The following B3GALT6 variants were observed in gnomAD, a reference collection of about 807,000 sequenced individuals.
B3GALT6 encodes the protein beta-1,3-galactosyltransferase 6.
A neutral mutation model predicts 23.3 loss-of-function variants in B3GALT6; 27 were observed. The ratio of observed to expected loss-of-function variants is 1.16; its 90% CI spans 0.85 to 1.60. B3GALT6 has a LOEUF of 1.60. B3GALT6 is among the 40% of genes most tolerant of loss of function. The pLI, the probability that B3GALT6 is intolerant of heterozygous loss-of-function variation, is 0.00. For missense variants in B3GALT6, 554 were observed against 471.1 expected, an observed-to-expected ratio of 1.18 and a Z score of -1.63; for synonymous variants, 313 against 232.3, an observed-to-expected ratio of 1.35 and a Z score of -3.16.
In B3GALT6 at chr1:1,233,398, C is replaced by T. The variant is rs1638582455; in HGVS notation, c.*130C>T. On this transcript the variant is annotated 3_prime_UTR_variant, in exon 1 of 1. Transcript: ENST00000379198. ...AGCCACGCTTGTGGTCGCTGCGTCC[C>T]GGTCTGCGTTTGGGAGACCCCTGGG... 8.1e-7 allele frequency: 1 copy of T among 1,237,190 alleles called. No individual in the cohort carries two copies. The highest frequency in any genetic ancestry group is 1.1e-6 in the Non-Finnish European group (1 of 948,924). The allele number at this position is 1,237,190 out of a possible 1,614,324, so 76.6% of individuals were successfully genotyped here.
chr1:1,232,890 A>C lies in B3GALT6; in HGVS notation c.612A>C (p.Gln204His). 1 of 1,554,844 alleles carries C rather than the reference A, an allele frequency of 6.4e-7. No homozygotes were observed. The highest frequency in any genetic ancestry group is 1.4e-5 in the African/African-American group (1 of 71,168). Reference protein sequence around the residue: ...PGGRWREAAWQLCDYYLPYAL... With the variant: ...PGGRWREAAWHLCDYYLPYAL... ...GGCGCTGGCGCGAGGCCGCCTGGCA[A>C]CTCTGCGACTACTACCTGCCCTACG... Residue 204 changes from glutamine (Q) to histidine (H), a missense_variant, in exon 1 of 1, where the codon CAA (glutamine) becomes CAC (histidine). Physicochemically the swap from Gln to His is conservative, Grantham distance 24. Transcript: ENST00000379198.
In B3GALT6 at chr1:1,232,237, A is replaced by C. The variant is rs929454626; in HGVS notation, c.-42A>C. 2 of 979,624 alleles carry C rather than the reference A, an allele frequency of 2.0e-6. No homozygotes were observed. The highest frequency in any genetic ancestry group is 2.4e-6 in the Non-Finnish European group (2 of 827,672). 60.7% of individuals were successfully genotyped at this position (979,624 alleles called of 1,614,324 possible). A position where few individuals can be genotyped will look rare whatever the true frequency, so the allele number is the denominator to read the frequency against. On this transcript the variant is annotated 5_prime_UTR_variant, in exon 1 of 1. Transcript: ENST00000379198. The stretch of plus-strand genomic sequence containing the variant: ...CGCCCCGAGCCGGCGGCGCCTGCGC[A>C]CTCGCGAGTCCGGCCTGGGCCGCCG...
rs1216124589 is a variant in B3GALT6, at chr1:1,233,107, G to T, written c.829G>T (p.Val277Leu). ...CCGCGGCTGCAGCAACCAGTACCTG[G>T]TGACGCACAAGCAGAGCCTGGAGGA... is the stretch of plus-strand genomic sequence containing the variant. Reference protein sequence around the residue: ...RSRGCSNQYLVTHKQSLEDML... With the variant: ...RSRGCSNQYLLTHKQSLEDML... The change falls in exon 1 of 1, where the codon GTG becomes TTG. Residue 277 changes from valine to leucine, a missense_variant. By Grantham distance (32) the Val-to-Leu change is conservative. Coordinates refer to ENST00000379198, the MANE Select transcript of B3GALT6 (RefSeq NM_080605.4). 2.6e-6 allele frequency: 4 copies of T among 1,563,762 alleles called. No homozygotes were observed. The Admixed American group carries it at 5.5e-5, about 22-fold the overall frequency.
chr1:1,233,842 A>G lies in B3GALT6; in HGVS notation c.*574A>G, dbSNP rs1178438212. The G allele has an allele frequency of 3.6e-5, 6 of 166,786 alleles. No individual in the cohort carries two copies. The Admixed American group carries it at 3.9e-4, about 11-fold the overall frequency. The allele number at this position is 166,786 out of a possible 1,614,324, so 10.3% of individuals were successfully genotyped here. ...TGCTGCCCGTGTTTAAACGCAGGAG[A>G]ACTTTAAAACTGGCCATCTATCTTT... On this transcript the variant is annotated 3_prime_UTR_variant, in exon 1 of 1. Transcript: ENST00000379198.
chr1:1,233,656 T>C lies in B3GALT6; in HGVS notation c.*388T>C. 1 of 214,462 alleles carries C rather than the reference T, an allele frequency of 4.7e-6. No individual in the cohort carries two copies. The highest frequency in any genetic ancestry group is 1.8e-4 in the South Asian group (1 of 5,446). The allele number at this position is 214,462 out of a possible 1,614,324, so 13.3% of individuals were successfully genotyped here. On this transcript the variant is annotated 3_prime_UTR_variant, in exon 1 of 1. Transcript: ENST00000379198. ...GGGATTTTGGTCTCTGTCCAGTGAC[T>C]TCGTGGTAAATGTAACTCAGTGTTT...
rs1638570941 is a variant in B3GALT6 at position 1,233,148 on chromosome 1, C to T, written c.870C>T (p.His290=). Residue 290 remains histidine, a synonymous_variant, in exon 1 of 1, where the codon CAC becomes CAT. Coordinates refer to ENST00000379198, the MANE Select transcript of B3GALT6 (RefSeq NM_080605.4). ...GCCTGGAGGACATGCTGGAGAAGCA[C>T]GCGACGCTGGCGCGCGAGGGCCGCC... ...KQSLEDMLEK[H]ATLAREGRLC... is the part of the protein sequence containing the mutation. 3.2e-6 allele frequency: 5 copies of T among 1,553,706 alleles called. No homozygotes were observed. The highest frequency in any genetic ancestry group is 4.3e-6 in the Non-Finnish European group (5 of 1,154,216).
chr1:1,232,990 TG>T lies in B3GALT6; in HGVS notation c.714del (p.Trp238CysfsTer40), dbSNP rs1028693239. ...LRLSRDYLRA[W>X]HSEDVSLGAW... ...CCTCAGCCGCGACTACCTGCGCGCC[TG>T]GCACAGCGAGGACGTGTCTCTGGGC... is the stretch of plus-strand genomic sequence containing the variant. On this transcript the variant is annotated frameshift_variant, in exon 1 of 1. Coordinates refer to ENST00000379198, the MANE Select transcript of B3GALT6 (RefSeq NM_080605.4). LOFTEE classifies it high-confidence loss of function. 4 of 1,563,878 alleles carry T rather than the reference TG, an allele frequency of 2.6e-6. No homozygotes were observed. In the African/African-American group the frequency reaches 4.1e-5, roughly 16 times the overall value.
At position 1,232,472 on chromosome 1, in the gene B3GALT6, G is replaced by A; in HGVS notation, c.194G>A (p.Ser65Asn). ...GCCTTCCTGGCAGTGCTGGTGGCCA[G>A]CGCGCCCCGCGCCGCCGAGCGCCGC... The part of the protein sequence containing the change: ...AAAFLAVLVA[S>N]APRAAERRSV... The change falls in exon 1 of 1, where the codon AGC becomes AAC. Residue 65 changes from serine to asparagine, a missense_variant. Ser to Asn is a conservative substitution (Grantham distance 46). Transcript: ENST00000379198. 1 of 1,013,180 alleles carries A rather than the reference G, an allele frequency of 9.9e-7. No individual in the cohort carries two copies. Among genetic ancestry groups the A allele is most frequent in the Non-Finnish European group, 1.2e-6 (1 of 850,378 alleles). 62.8% of individuals were successfully genotyped at this position (1,013,180 alleles called of 1,614,324 possible). A position where few individuals can be genotyped will look rare whatever the true frequency, so the allele number is the denominator to read the frequency against.
In B3GALT6 at chr1:1,233,236, C is replaced by A; in HGVS notation, c.958C>A (p.Gln320Lys). ...GTACGACTGGTCCGCGCCGCCCTCGCAGTGCTGCCAGAGAAGGGAGGGCAT... is the reference window on the plus strand; with the variant it reads ...GTACGACTGGTCCGCGCCGCCCTCGAAGTGCTGCCAGAGAAGGGAGGGCAT... ...YVYDWSAPPS[Q>K]CCQRREGIP is the part of the protein sequence containing the mutation. The change falls in exon 1 of 1, where the codon CAG (glutamine) becomes AAG (lysine). Residue 320 changes from glutamine (Q) to lysine (K), a missense_variant. Gln to Lys is a moderately conservative substitution (Grantham distance 53, BLOSUM62 1). Transcript: ENST00000379198. 6.7e-7 allele frequency: 1 copy of A among 1,488,936 alleles called. No individual in the cohort carries two copies. 92.2% of individuals were successfully genotyped at this position (1,488,936 alleles called of 1,614,324 possible). A position where few individuals can be genotyped will look rare whatever the true frequency, so the allele number is the denominator to read the frequency against.
chr1:1,232,886 G>T lies in B3GALT6; in HGVS notation c.608G>T (p.Trp203Leu), dbSNP rs1265129383. ...KPGGRWREAAWQLCDYYLPYA... is the reference protein window; with the variant it reads ...KPGGRWREAALQLCDYYLPYA... ...GGGGGGCGCTGGCGCGAGGCCGCCT[G>T]GCAACTCTGCGACTACTACCTGCCC... The change falls in exon 1 of 1, where the codon TGG (tryptophan) becomes TTG (leucine). Residue 203 changes from tryptophan (W) to leucine (L), a missense_variant. Physicochemically the swap from Trp to Leu is moderately conservative, Grantham distance 61. Transcript: ENST00000379198. 1 of 1,554,886 alleles carries T rather than the reference G, an allele frequency of 6.4e-7. No homozygotes were observed. The highest frequency in any genetic ancestry group is 8.6e-7 in the Non-Finnish European group (1 of 1,163,126).
At position 1,233,507 on chromosome 1, in the gene B3GALT6, T is replaced by C; in HGVS notation, c.*239T>C. On this transcript the variant is annotated 3_prime_UTR_variant, in exon 1 of 1. Transcript: ENST00000379198. ...GCCTGAGCCGGGCCCGGCCGCACGC[T>C]GACCCCCGTGCTGTCCCCGACCGGC... is the stretch of plus-strand genomic sequence containing the variant. 2.2e-6 allele frequency: 1 copy of C among 457,154 alleles called. No individual in the cohort carries two copies. The highest frequency in any genetic ancestry group is 4.5e-5 in the Admixed American group (1 of 22,060). 28.3% of individuals were successfully genotyped at this position (457,154 alleles called of 1,614,324 possible).
Position 1,232,338 on chromosome 1 carries a change from G to T in B3GALT6, c.60G>T (p.Ala20=). The part of the protein sequence containing the change: ...RRAALGLGTL[A]LCGAALLYLA... ...CGGCGCTAGGCCTGGGCACGCTGGC[G>T]CTGTGCGGGGCGGCGCTGCTCTACC... Residue 20 remains alanine (A), a synonymous_variant, in exon 1 of 1, where the codon GCG becomes GCT. Transcript: ENST00000379198. The T allele has an allele frequency of 1.0e-6, 1 of 984,156 alleles. No individual in the cohort carries two copies. The highest frequency in any genetic ancestry group is 4.5e-5 in the South Asian group (1 of 22,142). 61.0% of individuals were successfully genotyped at this position (984,156 alleles called of 1,614,324 possible).
chr1:1,232,839 G>T lies in B3GALT6; in HGVS notation c.561G>T (p.Ser187=). 2 of 1,465,764 alleles carry T rather than the reference G, an allele frequency of 1.4e-6. No homozygotes were observed. The highest frequency in any genetic ancestry group is 2.7e-5 in the East Asian group (1 of 36,458). The allele number at this position is 1,465,764 out of a possible 1,614,324, so 90.8% of individuals were successfully genotyped here. The change falls in exon 1 of 1, where the codon TCG becomes TCT. Residue 187 remains serine (S), a synonymous_variant. Coordinates refer to ENST00000379198, the MANE Select transcript of B3GALT6 (RefSeq NM_080605.4). ...GCCGCCTCTACTGGGGCTTCTTCTCGGGCCGCGGCCGCGTCAAGCCGGGGG... is the reference window on the plus strand; with the variant it reads ...GCCGCCTCTACTGGGGCTTCTTCTCTGGCCGCGGCCGCGTCAAGCCGGGGG... ...RRRRLYWGFF[S]GRGRVKPGGR...
rs1193977313 is a variant in B3GALT6 at position 1,233,824 on chromosome 1, C to G, written c.*556C>G. ...CTGTACCGTCAACCCCGCTGCTGCCCGTGTTTAAACGCAGGAGAACTTTAA... is the reference window on the plus strand; with the variant it reads ...CTGTACCGTCAACCCCGCTGCTGCCGGTGTTTAAACGCAGGAGAACTTTAA... On this transcript the variant is annotated 3_prime_UTR_variant, in exon 1 of 1. Transcript: ENST00000379198. The G allele has an allele frequency of 6.0e-6, 1 of 167,052 alleles. No homozygotes were observed. The highest frequency in any genetic ancestry group is 2.4e-5 in the African/African-American group (1 of 41,454). 10.3% of individuals were successfully genotyped at this position (167,052 alleles called of 1,614,324 possible).
In B3GALT6 at chr1:1,232,388, G is replaced by A. The variant is rs892958562; in HGVS notation, c.110G>A (p.Gly37Glu). 2.1e-4 allele frequency: 211 copies of A among 986,668 alleles called. 1 individual carries two copies. The African/African-American group carries it at 3.5e-3, about 16-fold the overall frequency. The allele number at this position is 986,668 out of a possible 1,614,324, so 61.1% of individuals were successfully genotyped here. A position where few individuals can be genotyped will look rare whatever the true frequency, so the allele number is the denominator to read the frequency against. ...CTGGCGCGCTGCGCGGCCGAGCCCG[G>A]GGACCCCAGGGCGATGTCGGGCCGC... ...LYLARCAAEPGDPRAMSGRSP... is the reference protein window; with the variant it reads ...LYLARCAAEPEDPRAMSGRSP... The change falls in exon 1 of 1, where the codon GGG becomes GAG. Residue 37 changes from glycine (G) to glutamate (E), a missense_variant. Transcript: ENST00000379198.
At position 1,233,375 on chromosome 1, in the gene B3GALT6, C is replaced by T. The variant is rs562349505; in HGVS notation, c.*107C>T. ...GGGCCCCAAGGCCCCCGTCCCGCAG[C>T]CACGCTTGTGGTCGCTGCGTCCCGG... On this transcript the variant is annotated 3_prime_UTR_variant, in exon 1 of 1. Transcript: ENST00000379198. The T allele has an allele frequency of 1.8e-5, 24 of 1,314,214 alleles. No homozygotes were observed. The highest frequency in any genetic ancestry group is 6.3e-5 in the African/African-American group (4 of 63,486). The allele number at this position is 1,314,214 out of a possible 1,614,324, so 81.4% of individuals were successfully genotyped here. A position where few individuals can be genotyped will look rare whatever the true frequency, so the allele number is the denominator to read the frequency against.
rs1421930606 is a variant in B3GALT6, at chr1:1,233,052, C to T, written c.774C>T (p.His258=). The T allele has an allele frequency of 1.3e-6, 2 of 1,549,024 alleles. No homozygotes were observed. The highest frequency in any genetic ancestry group is 1.9e-5 in the Admixed American group (1 of 52,448). The change falls in exon 1 of 1, where the codon CAC becomes CAT. Residue 258 remains histidine (H), a synonymous_variant. Transcript: ENST00000379198. ...CGCCGGTGGACGTCCAGCGGGAGCA[C>T]GACCCGCGCTTCGACACCGAATACC... ...WLAPVDVQRE[H]DPRFDTEYRS...
chr1:1,232,992 G>C lies in B3GALT6; in HGVS notation c.714G>C (p.Trp238Cys). The change falls in exon 1 of 1, where the codon TGG (tryptophan) becomes TGC (cysteine). Residue 238 changes from tryptophan to cysteine, a missense_variant. Coordinates refer to ENST00000379198, the MANE Select transcript of B3GALT6 (RefSeq NM_080605.4). ...LRLSRDYLRA[W>C]HSEDVSLGAW... is the part of the protein sequence containing the mutation. Reference sequence around the variant, plus strand: ...TCAGCCGCGACTACCTGCGCGCCTGGCACAGCGAGGACGTGTCTCTGGGCG... The same window carrying C: ...TCAGCCGCGACTACCTGCGCGCCTGCCACAGCGAGGACGTGTCTCTGGGCG... 1 of 1,562,898 alleles carries C rather than the reference G, an allele frequency of 6.4e-7. No homozygotes were observed. Among genetic ancestry groups the C allele is most frequent in the Non-Finnish European group, 8.6e-7 (1 of 1,161,416 alleles).
At position 1,233,398 on chromosome 1, in the gene B3GALT6, C is replaced by G. The variant is rs1638582455; in HGVS notation, c.*130C>G. ...AGCCACGCTTGTGGTCGCTGCGTCC[C>G]GGTCTGCGTTTGGGAGACCCCTGGG... On this transcript the variant is annotated 3_prime_UTR_variant, in exon 1 of 1. Transcript: ENST00000379198. 1 of 1,237,074 alleles carries G rather than the reference C, an allele frequency of 8.1e-7. No homozygotes were observed. 76.6% of individuals were successfully genotyped at this position (1,237,074 alleles called of 1,614,324 possible).
Sources: gnomAD v4.1 joint callset for allele counts on GRCh38, gnomAD v4.1.1 for gene constraint, MANE v1.5 for transcripts, NCBI Gene and HGNC (gene_info 2026-07-23, HGNC 2026-07-21) for gene names.